The following LRRC18 variants were observed in gnomAD, a reference collection of about 807,000 sequenced individuals.
LRRC18 encodes leucine rich repeat containing 18.
LRRC18 carries 12 observed loss-of-function variants against 11.2 expected under a neutral mutation model. The ratio of observed to expected loss-of-function variants is 1.07; its 90% CI spans 0.69 to 1.74. LRRC18 has a LOEUF of 1.74. LRRC18 is among the 40% of genes most tolerant of loss of function. LRRC18 has a pLI of 0.00. For missense variants in LRRC18, 374 were observed against 330.5 expected, an observed-to-expected ratio of 1.13 and a Z score of -1.02; for synonymous variants, 155 against 130.6, an observed-to-expected ratio of 1.19 and a Z score of -1.27.
At chr10:48,934,173 G>C in the LRRC18 span, among the ~76,000 whole-genome samples, 1 of 152,236 alleles carries the variant, frequency 6.6e-6, no homozygotes, top group Non-Finnish European at 1.5e-5. Context: ...CATTGGCCGG[G>C]AGTGTTGTTC....
chr10:48,930,849 T>C, the LRRC18 span, among the ~76,000 whole-genome samples: 1 of 152,138 alleles, frequency 6.6e-6, no homozygotes, highest in Admixed American at 6.5e-5. Context: ...GTCATGTTAG[T>C]GAAAGAAACA....
At chr10:48,911,407 T>C (rs1242274628) in intron 1 of LRRC18, among the ~76,000 whole-genome samples, 1 of 152,226 alleles carries the variant, frequency 6.6e-6, no homozygotes, top group Non-Finnish European at 1.5e-5. Flanking sequence ...TTTAACACAA[T>C]ATTTCCAATA....
At chr10:48,922,552 GTTC>G in the LRRC18 span, among the ~76,000 whole-genome samples, 2 of 152,186 alleles carry the variant, frequency 1.3e-5, no homozygotes, top group Non-Finnish European at 2.9e-5. Flanking sequence ...ATGAATTGTT[GTTC>G]ATCTCTTACG....
At chr10:48,936,879 A>G in the LRRC18 span, among the ~76,000 whole-genome samples, 2 of 151,234 alleles carry the variant, frequency 1.3e-5, no homozygotes, top group South Asian at 4.2e-4. Context: ...AAAAGTGCTC[A>G]TAATTTTGGC....
the LRRC18 span, among the ~76,000 whole-genome samples, chr10:48,924,616 G>T: frequency 2.6e-5 from 4 of 152,130 alleles, no homozygotes. Flanking sequence ...TTTTGTTCTT[G>T]TACAATTTTT....
At chr10:48,924,459 G>T in the LRRC18 span, among the ~76,000 whole-genome samples, 1 of 152,234 alleles carries the variant, frequency 6.6e-6, no homozygotes, top group Non-Finnish European at 1.5e-5. Context: ...TAGTTATAGG[G>T]AGAAAGATGT....
intron 1 of LRRC18, among the ~76,000 whole-genome samples, chr10:48,911,676 T>C (rs1399553948): frequency 2.6e-5 from 4 of 152,212 alleles, no homozygotes; most frequent in Admixed American, 6.5e-5. Flanking sequence ...TATAAAAATA[T>C]ATACAGAAAA....
chr10:48,937,388 T>C, the LRRC18 span, among the ~76,000 whole-genome samples: 141,976 of 152,258 alleles, frequency 0.93, 66,479 homozygotes, highest in East Asian at 1. Flanking sequence ...TCTTCAGTGT[T>C]AGGGTCCTGG....
At chr10:48,909,934 C>G (rs1837849473) in exon 2 of LRRC18, 1 of 372,372 alleles carries the variant, frequency 2.7e-6, no homozygotes, top group African/African-American at 2.0e-5. Flanking sequence ...CCTTTTAAGT[C>G]TTAAAGTCTT....
At chr10:48,926,608 G>A in the LRRC18 span, among the ~76,000 whole-genome samples, 1 of 152,166 alleles carries the variant, frequency 6.6e-6, no homozygotes, top group African/African-American at 2.4e-5. Flanking sequence ...GTGACCCATT[G>A]TCTGCTCACT....
chr10:48,913,554 A>C (rs1193227802), exon 1 of LRRC18: 1 of 1,613,614 alleles, frequency 6.2e-7, no homozygotes, highest in African/African-American at 1.3e-5. Context: ...CTTCTCCTCC[A>C]CAACATACAA....
upstream of LRRC18, chr10:48,914,301 G>A (rs79638149): frequency 1.5e-5 from 13 of 849,902 alleles, no homozygotes; most frequent in African/African-American, 3.4e-5. Context: ...ACGTCATGAC[G>A]CTTTGCTCTT....
chr10:48,913,264 T>C (rs1011488754), intron 1 of LRRC18, 128 bp downstream of exon 3: 9 of 861,552 alleles, frequency 1.0e-5, no homozygotes, highest in South Asian at 3.4e-5. Flanking sequence ...AGGAAAGGAG[T>C]TTTATGGGCT....
At chr10:48,926,811 A>G in the LRRC18 span, among the ~76,000 whole-genome samples, 1 of 152,216 alleles carries the variant, frequency 6.6e-6, no homozygotes, top group Admixed American at 6.5e-5. Flanking sequence ...TGGGGCACAC[A>G]TAATGCCACG....
upstream of LRRC18, among the ~76,000 whole-genome samples, chr10:48,915,158 C>T (rs528558404): frequency 2.2e-4 from 33 of 152,234 alleles, no homozygotes; most frequent in South Asian, 4.1e-4. Context: ...TATGAGGGGG[C>T]GTAAATTATC....
intron 1 of LRRC18, chr10:48,910,943 C>A (rs1837941768): frequency 3.1e-6 from 3 of 982,128 alleles, no homozygotes; most frequent in African/African-American, 1.8e-5. Flanking sequence ...CTTTTGAATA[C>A]CTAAGGAGGG....
At chr10:48,929,198 G>A in the LRRC18 span, among the ~76,000 whole-genome samples, 1 of 152,036 alleles carries the variant, frequency 6.6e-6, no homozygotes, top group African/African-American at 2.4e-5. Flanking sequence ...TCTTTGCAGA[G>A]AGGAGGGGAT....
At chr10:48,930,758 A>C in the LRRC18 span, among the ~76,000 whole-genome samples, 2 of 152,234 alleles carry the variant, frequency 1.3e-5, no homozygotes, top group African/African-American at 4.8e-5. Flanking sequence ...GTGTAATCAT[A>C]GAATGAAATA....
At chr10:48,919,572 A>C in the LRRC18 span, among the ~76,000 whole-genome samples, 1 of 152,212 alleles carries the variant, frequency 6.6e-6, no homozygotes, top group Non-Finnish European at 1.5e-5. Flanking sequence ...AGTCCAAATC[A>C]AGTCACTGGC....
Sources: gnomAD v4.1 joint callset for allele counts (sites outside exome capture counted in the v4.1 genomes callset) on GRCh38, gnomAD v4.1.1 for gene constraint, MANE v1.5 for transcripts, NCBI Gene and HGNC (gene_info 2026-07-23, HGNC 2026-07-21) for gene names.